The following LAMA2 variants were observed in gnomAD, a reference collection of about 807,000 sequenced individuals.
LAMA2 encodes laminin subunit alpha-2.
Under a neutral mutation model 364.8 loss-of-function variants are expected in LAMA2, and 269 were observed. That is an observed-to-expected ratio of 0.74 (90% CI 0.67 to 0.82). The LOEUF is 0.82. Ranked by LOEUF, LAMA2 falls within the 40% of genes least tolerant of loss-of-function variation. The pLI is 0.00. For missense variants in LAMA2, 3,807 were observed against 3,873.2 expected, an observed-to-expected ratio of 0.98 and a Z score of 0.45; for synonymous variants, 1,379 against 1,370.6, an observed-to-expected ratio of 1.01 and a Z score of -0.14.
intron 4 of LAMA2, among the ~76,000 whole-genome samples, chr6:129,109,023 T>A (rs565527306): frequency 6.6e-6 from 1 of 152,158 alleles, no homozygotes; most frequent in Non-Finnish European, 1.5e-5. Flanking sequence ...ACATTACTAT[T>A]TGAATTTAAC....
chr6:129,481,895 A>G (rs1317236983), intron 55 of LAMA2, among the ~76,000 whole-genome samples: 1 of 152,154 alleles, frequency 6.6e-6, no homozygotes, highest in East Asian at 1.9e-4. Flanking sequence ...GACTCATCCC[A>G]TCCTCTCTGG....
intron 2 of LAMA2, among the ~76,000 whole-genome samples, chr6:129,056,192 A>G (rs1788476215): frequency 6.6e-6 from 1 of 152,142 alleles, no homozygotes; most frequent in Admixed American, 6.5e-5. Context: ...GTTTTCTGTG[A>G]TATTTATTTT....
chr6:129,018,927 C>T (rs1285107643), intron 1 of LAMA2, among the ~76,000 whole-genome samples: 1 of 151,844 alleles, frequency 6.6e-6, no homozygotes, highest in Non-Finnish European at 1.5e-5. Context: ...GTATTCTTGT[C>T]CTATTTGCCA....
Position 129,336,766 on chromosome 6 carries a change from C to T in LAMA2, c.4312-5577C>T, listed in dbSNP as rs1355765232. Among the ~76,000 whole-genome samples, 7 of 152,198 alleles carry T rather than the reference C, an allele frequency of 4.6e-5. No homozygotes were observed. The South Asian group carries it at 1.0e-3, about 23-fold the overall frequency. On this transcript the variant is annotated intron_variant, in intron 29 of 64. Transcript: ENST00000421865. ...CAGCTGATAGGTTGATGGGCATATA[C>T]GTTGCTAAAAAAATGTGACCCAGAG...
intron 1 of LAMA2, among the ~76,000 whole-genome samples, chr6:128,974,069 C>T (rs1407329050): frequency 6.6e-6 from 1 of 152,198 alleles, no homozygotes; most frequent in Non-Finnish European, 1.5e-5. Flanking sequence ...ATATATCACA[C>T]AGTCGCCAGC....
chr6:129,496,056 C>T (rs542469651), intron 58 of LAMA2, among the ~76,000 whole-genome samples: 8 of 152,290 alleles, frequency 5.3e-5, no homozygotes, highest in African/African-American at 1.9e-4. Context: ...GGAAAGAAAG[C>T]CCTCAAACTT....
intron 54 of LAMA2, chr6:129,479,880 G>GAGAA (rs1416662943): frequency 6.6e-6 from 1 of 152,142 alleles, no homozygotes; most frequent in Non-Finnish European, 1.5e-5. Flanking sequence ...AATAAGAAAA[G>GAGAA]AGAAAACACA....
chr6:128,885,689 C>T (rs1405175734), intron 1 of LAMA2, among the ~76,000 whole-genome samples: 2 of 152,108 alleles, frequency 1.3e-5, no homozygotes, highest in Non-Finnish European at 2.9e-5. Flanking sequence ...CCTTATAATT[C>T]GATACCACTT....
intron 22 of LAMA2, among the ~76,000 whole-genome samples, chr6:129,307,270 A>T (rs1474835888): frequency 2.0e-5 from 3 of 152,174 alleles, no homozygotes; most frequent in Admixed American, 2.0e-4. Context: ...AATATGGCTT[A>T]TTCCAAGCTT....
chr6:128,932,708 C>A (rs1562844466), intron 1 of LAMA2, among the ~76,000 whole-genome samples: 5 of 152,006 alleles, frequency 3.3e-5, no homozygotes, highest in African/African-American at 1.2e-4. Context: ...GTATAATTGA[C>A]AATTAAAAAT....
intron 4 of LAMA2, among the ~76,000 whole-genome samples, chr6:129,118,267 T>G (rs1409239710): frequency 6.6e-6 from 1 of 152,180 alleles, no homozygotes; most frequent in Non-Finnish European, 1.5e-5. Flanking sequence ...GCACTGGATT[T>G]GAAGTAAAAA....
chr6:129,004,362 C>G (rs1420458155), intron 1 of LAMA2, among the ~76,000 whole-genome samples: 1 of 54,088 alleles, frequency 1.8e-5, no homozygotes. Context: ...ATGTAACTAA[C>G]CTGCACAATG....
intron 63 of LAMA2, 81 bp downstream of exon 63, chr6:129,512,574 G>A (rs908011999): frequency 1.0e-5 from 15 of 1,459,350 alleles, no homozygotes; most frequent in African/African-American, 5.6e-5. Flanking sequence ...TGGGAAACTC[G>A]AATATTTTGA....
chr6:128,903,741 AATTAAG>A (rs1226249765), intron 1 of LAMA2, among the ~76,000 whole-genome samples: 2 of 152,076 alleles, frequency 1.3e-5, no homozygotes, highest in Non-Finnish European at 2.9e-5. Context: ...TAAAGAGGGA[AATTAAG>A]ATAAAGAGCT....
At chr6:129,058,283 C>A (rs1303258734) in intron 2 of LAMA2, among the ~76,000 whole-genome samples, 2 of 152,166 alleles carry the variant, frequency 1.3e-5, no homozygotes, top group Non-Finnish European at 1.5e-5. Flanking sequence ...CTTGGCAGCC[C>A]AGGAGTAGTG....
chr6:129,499,792 A>G (rs1785481282), intron 58 of LAMA2, among the ~76,000 whole-genome samples: 1 of 152,016 alleles, frequency 6.6e-6, no homozygotes. Flanking sequence ...ATCATAGCTC[A>G]CTCTAACCTT....
At chr6:128,883,437 C>A in intron 1 of LAMA2, 80 bp downstream of exon 1, 4 of 1,540,378 alleles carry the variant, frequency 2.6e-6, no homozygotes, top group Non-Finnish European at 3.5e-6. Flanking sequence ...CCGAGAGTTG[C>A]TGTCTGTGGA....
intron 47 of LAMA2, 90 bp downstream of exon 47, chr6:129,454,378 A>G: frequency 9.6e-7 from 1 of 1,044,828 alleles, no homozygotes; most frequent in Non-Finnish European, 1.5e-6. Context: ...TTCCATTTCA[A>G]TAAGGTAACT....
chr6:129,105,328 G>C (rs1775757347), intron 4 of LAMA2, among the ~76,000 whole-genome samples: 1 of 152,156 alleles, frequency 6.6e-6, no homozygotes, highest in Non-Finnish European at 1.5e-5. Flanking sequence ...TCTGCAGAAA[G>C]CAGTAGCCCA....
Sources: allele counts gnomAD v4.1 joint callset (sites outside exome capture counted in the v4.1 genomes callset), GRCh38; gene constraint gnomAD v4.1.1; transcripts MANE v1.5; gene names NCBI Gene and HGNC (gene_info 2026-07-23, HGNC 2026-07-21).